TRAM2: variants seen among roughly 807,000 people sequenced by gnomAD.
The protein encoded by TRAM2 is translocating chain-associated membrane protein 2.
TRAM2 carries 12 observed loss-of-function variants against 51.0 expected under a neutral mutation model. The observed-to-expected ratio is 0.24, with a 90% CI of 0.15 to 0.38. The LOEUF (loss-of-function observed/expected upper bound fraction) is 0.38. Among genes scored for constraint, TRAM2 ranks in the 10% least tolerant of loss-of-function variants. The pLI, the probability that TRAM2 is intolerant of heterozygous loss-of-function variation, is 1.00. For missense variants in TRAM2, 361 were observed against 462.0 expected (o/e 0.78, Z 2.00); for synonymous variants, 175 against 179.4 (o/e 0.98, Z 0.20).
At chr6:52,550,222 T>TCCCC in intron 1 of TRAM2, among the ~76,000 whole-genome samples, 1 of 152,084 alleles carries the variant, frequency 6.6e-6, no homozygotes. Context: ...CTCCAGCCCC[T>TCCCC]CCCCTTCAAC....
At chr6:52,504,234 G>GCC (rs1002765493) in intron 10 of TRAM2, among the ~76,000 whole-genome samples, 1 of 152,222 alleles carries the variant, frequency 6.6e-6, no homozygotes, top group Non-Finnish European at 1.5e-5. Context: ...GACAGAGGCC[G>GCC]CCGTCCGGCA....
intron 1 of TRAM2, among the ~76,000 whole-genome samples, chr6:52,575,598 G>C (rs1169349383): frequency 3.3e-5 from 5 of 152,166 alleles, no homozygotes; most frequent in African/African-American, 4.8e-5. Context: ...CAGCCAATTA[G>C]GGCCCTTGTC....
intron 2 of TRAM2, among the ~76,000 whole-genome samples, chr6:52,531,079 TAAGGAAGA>T (rs150929270): frequency 0.05 from 5,887 of 117,794 alleles, 372 homozygotes; most frequent in African/African-American, 0.16. Flanking sequence ...ATACACTACT[TAAGGAAGA>T]AACCTTAGAA....
chr6:52,531,877 T>C (rs796256872), intron 2 of TRAM2, among the ~76,000 whole-genome samples: 30 of 152,350 alleles, frequency 2.0e-4, no homozygotes, highest in African/African-American at 7.0e-4. Flanking sequence ...TGATGTTTCA[T>C]GACATCAGAG....
At chr6:52,559,348 A>T (rs922224145) in intron 1 of TRAM2, among the ~76,000 whole-genome samples, 13 of 152,278 alleles carry the variant, frequency 8.5e-5, no homozygotes, top group African/African-American at 3.1e-4. Flanking sequence ...GAGTGACTTG[A>T]ATTATCTTGG....
intron 1 of TRAM2, among the ~76,000 whole-genome samples, chr6:52,557,111 T>C (rs573529821): frequency 1.1e-4 from 16 of 150,586 alleles, no homozygotes; most frequent in Non-Finnish European, 1.3e-4. Context: ...GAGAATCGCA[T>C]GGGCCTGGGA....
chr6:52,561,496 T>C (rs1767500493), intron 1 of TRAM2, among the ~76,000 whole-genome samples: 1 of 146,402 alleles, frequency 6.8e-6, no homozygotes, highest in South Asian at 2.2e-4. Context: ...TCTTTTTTTT[T>C]TTTTTTTGAG....
chr6:52,530,127 T>G (rs1766859188), intron 2 of TRAM2, among the ~76,000 whole-genome samples: 1 of 152,198 alleles, frequency 6.6e-6, no homozygotes, highest in Non-Finnish European at 1.5e-5. Flanking sequence ...AAAAAGATAT[T>G]TATTGTTTAT....
At chr6:52,555,823 A>G (rs1315114174) in intron 1 of TRAM2, among the ~76,000 whole-genome samples, 1 of 152,232 alleles carries the variant, frequency 6.6e-6, no homozygotes, top group Admixed American at 6.5e-5. Context: ...ACCATAAAAA[A>G]TCATAGTGTC....
At chr6:52,559,269 G>A (rs1486056328) in intron 1 of TRAM2, among the ~76,000 whole-genome samples, 3 of 152,186 alleles carry the variant, frequency 2.0e-5, no homozygotes, top group Non-Finnish European at 4.4e-5. Flanking sequence ...TAACAGACGC[G>A]ACGGATTACT....
intron 1 of TRAM2, among the ~76,000 whole-genome samples, chr6:52,541,222 T>C: frequency 6.6e-6 from 1 of 152,306 alleles, no homozygotes; most frequent in Non-Finnish European, 1.5e-5. Flanking sequence ...AGTTTACTCA[T>C]CTATTAATAA....
At chr6:52,566,736 G>A (rs368206066) in intron 1 of TRAM2, among the ~76,000 whole-genome samples, 5 of 152,110 alleles carry the variant, frequency 3.3e-5, no homozygotes, top group Admixed American at 2.6e-4. Context: ...TACAAAGGAC[G>A]GACTATTCTA....
intron 10 of TRAM2, among the ~76,000 whole-genome samples, chr6:52,503,906 G>C (rs1450183472): frequency 6.6e-6 from 1 of 152,188 alleles, no homozygotes; most frequent in Non-Finnish European, 1.5e-5. Context: ...GACACACCCA[G>C]CTGCGCGCGT....
intron 2 of TRAM2, chr6:52,524,243 A>T (rs1218672905): frequency 6.6e-6 from 1 of 152,204 alleles, no homozygotes; most frequent in East Asian, 1.9e-4. Context: ...CGCTCTCTGC[A>T]TATTGATATG....
chr6:52,571,999 T>G (rs1256222576), intron 1 of TRAM2, among the ~76,000 whole-genome samples: 3 of 152,224 alleles, frequency 2.0e-5, no homozygotes, highest in Non-Finnish European at 4.4e-5. Flanking sequence ...GGATATCACA[T>G]TTGTGCCAAG....
At chr6:52,519,024 T>C (rs1213987396) in intron 2 of TRAM2, among the ~76,000 whole-genome samples, 1 of 152,088 alleles carries the variant, frequency 6.6e-6, no homozygotes, top group African/African-American at 2.4e-5. Context: ...TCCAAAGAAA[T>C]ATGACTATAA....
At chr6:52,566,022 G>C (rs1470214089) in intron 1 of TRAM2, among the ~76,000 whole-genome samples, 1 of 152,210 alleles carries the variant, frequency 6.6e-6, no homozygotes, top group Non-Finnish European at 1.5e-5. Context: ...TGTTCTAACT[G>C]ACTGGGTCCC....
intron 1 of TRAM2, among the ~76,000 whole-genome samples, chr6:52,553,985 C>G (rs1767356340): frequency 6.6e-6 from 1 of 152,158 alleles, no homozygotes; most frequent in Non-Finnish European, 1.5e-5. Context: ...CCACCAGCAG[C>G]AACAGCTCCA....
At chr6:52,555,521 TACAGGTATTTTTCTATAAAAATAAA>T (rs1767390365) in intron 1 of TRAM2, among the ~76,000 whole-genome samples, 1 of 152,192 alleles carries the variant, frequency 6.6e-6, no homozygotes, top group East Asian at 1.9e-4. Flanking sequence ...TGATCATCCT[TACAGGTATTTTTCTATAAAAATAAA>T]ACACATCCAA....
Sources: gnomAD v4.1 joint callset for allele counts (sites outside exome capture counted in the v4.1 genomes callset) on GRCh38, gnomAD v4.1.1 for gene constraint, MANE v1.5 for transcripts, NCBI Gene and HGNC (gene_info 2026-07-23, HGNC 2026-07-21) for gene names.